Variants in MED13L observed in about 807,000 individuals in gnomAD.
MED13L encodes mediator of RNA polymerase II transcription subunit 13-like.
In MED13L, 7 loss-of-function variants were observed where a neutral mutation model predicts 220.9. The observed-to-expected ratio is 0.03, with a 90% CI of 0.02 to 0.06. The LOEUF is 0.06. Among genes scored for constraint, MED13L ranks in the 10% least tolerant of loss-of-function variants. The probability of loss-of-function intolerance (pLI) is 1.00; values close to 1 mark genes in which losing one functional copy is unlikely to be tolerated. For synonymous variants in MED13L, 1,011 were observed against 1,015.2 expected (o/e 1.00, Z 0.08); for missense variants, 1,965 against 2,760.5 (o/e 0.71, Z 6.46).
chr12:116,102,541 C>T (rs1383873138), intron 3 of MED13L, among the ~76,000 whole-genome samples: 1 of 151,902 alleles, frequency 6.6e-6, no homozygotes, highest in Non-Finnish European at 1.5e-5. Flanking sequence ...AGCCTCAAAG[C>T]CTTTTGCTCA....
chr12:116,016,773 T>C (rs1194892170), intron 7 of MED13L, among the ~76,000 whole-genome samples: 1 of 152,212 alleles, frequency 6.6e-6, no homozygotes, highest in Non-Finnish European at 1.5e-5. Flanking sequence ...TTAAAATGCA[T>C]GTTGAATGTT....
At chr12:116,123,770 T>C (rs1335155465) in intron 2 of MED13L, among the ~76,000 whole-genome samples, 1 of 152,196 alleles carries the variant, frequency 6.6e-6, no homozygotes, top group African/African-American at 2.4e-5. Flanking sequence ...ATTTCTGTTC[T>C]TGCTACAATA....
intron 3 of MED13L, among the ~76,000 whole-genome samples, chr12:116,099,603 T>C (rs971375839): frequency 2.6e-5 from 4 of 152,154 alleles, no homozygotes; most frequent in African/African-American, 9.7e-5. Context: ...GAGTATAATA[T>C]GAAATAAAAG....
chr12:116,090,091 G>A (rs576964943), intron 4 of MED13L, among the ~76,000 whole-genome samples: 2 of 152,254 alleles, frequency 1.3e-5, no homozygotes, highest in African/African-American at 4.8e-5. Flanking sequence ...CCTAAATGAG[G>A]CTGAGATATG....
At chr12:116,066,256 A>C (rs1869920483) in intron 4 of MED13L, among the ~76,000 whole-genome samples, 1 of 152,236 alleles carries the variant, frequency 6.6e-6, no homozygotes, top group Non-Finnish European at 1.5e-5. Flanking sequence ...AGGAACATTA[A>C]TATTTTTCAA....
chr12:116,093,596 C>A (rs558961377), intron 4 of MED13L, among the ~76,000 whole-genome samples: 10 of 151,694 alleles, frequency 6.6e-5, no homozygotes, highest in Non-Finnish European at 1.3e-4. Flanking sequence ...ATTTTTTCAC[C>A]ATGATTAGAA....
chr12:116,241,093 G>C (rs1409278363), intron 1 of MED13L, among the ~76,000 whole-genome samples: 1 of 151,426 alleles, frequency 6.6e-6, no homozygotes, highest in Non-Finnish European at 1.5e-5. Flanking sequence ...CGGATCACAA[G>C]GTCAAAAGAT....
At chr12:116,036,772 T>G (rs978606228) in intron 4 of MED13L, among the ~76,000 whole-genome samples, 3 of 152,196 alleles carry the variant, frequency 2.0e-5, no homozygotes, top group Admixed American at 6.5e-5. Context: ...CTTAAAAATG[T>G]AGTTTACTTT....
At chr12:116,072,383 T>C (rs1870444911) in intron 4 of MED13L, among the ~76,000 whole-genome samples, 1 of 152,262 alleles carries the variant, frequency 6.6e-6, no homozygotes, top group South Asian at 2.1e-4. Flanking sequence ...TGTGTATTAG[T>C]TCACAAACTG....
intron 14 of MED13L, among the ~76,000 whole-genome samples, chr12:115,998,646 A>T (rs1397285246): frequency 6.6e-6 from 1 of 152,228 alleles, no homozygotes; most frequent in Non-Finnish European, 1.5e-5. Flanking sequence ...GGCAGAAGAA[A>T]AGGTGAGAAC....
At chr12:116,165,708 T>C (rs1593120017) in intron 2 of MED13L, among the ~76,000 whole-genome samples, 2 of 152,154 alleles carry the variant, frequency 1.3e-5, no homozygotes, top group African/African-American at 4.8e-5. Context: ...TCCTGTCTCG[T>C]TGCCCAACCA....
chr12:116,017,941 T>C (rs1017620906), intron 7 of MED13L, among the ~76,000 whole-genome samples: 21 of 151,066 alleles, frequency 1.4e-4, no homozygotes, highest in African/African-American at 3.6e-4. Flanking sequence ...TTTTCTTCTT[T>C]TTTTTTTTTT....
rs149442748 is a variant in MED13L, at chr12:116,017,611, C to T, written c.1009+1613G>A. ...ATTCTCTGCTCTACCAAATGAAAGC[C>T]GCAAGTACTTTTTTATTTTTTTGAG... On this transcript the variant is annotated intron_variant, in intron 7 of 30. Transcript: ENST00000281928. Among the ~76,000 whole-genome samples, 83 of 152,102 alleles carry T rather than the reference C, an allele frequency of 5.5e-4. 1 individual carries two copies. In the East Asian group the frequency reaches 0.014, roughly 26 times the overall value.
chr12:116,058,972 A>G (rs1347874160), intron 4 of MED13L, among the ~76,000 whole-genome samples: 1 of 152,256 alleles, frequency 6.6e-6, no homozygotes, highest in Non-Finnish European at 1.5e-5. Context: ...TGTGCTTAAG[A>G]AAAACACATA....
chr12:116,128,924 T>C (rs1407937731), intron 2 of MED13L, among the ~76,000 whole-genome samples: 1 of 152,046 alleles, frequency 6.6e-6, no homozygotes, highest in African/African-American at 2.4e-5. Flanking sequence ...TCTTTTATTT[T>C]CCCTTGAAGA....
At chr12:116,046,700 G>A (rs1881856119) in intron 4 of MED13L, among the ~76,000 whole-genome samples, 2 of 152,208 alleles carry the variant, frequency 1.3e-5, no homozygotes, top group South Asian at 2.1e-4. Flanking sequence ...AAGGCCGGGT[G>A]CGGTGGCTCA....
chr12:116,215,651 C>A (rs1442166961), intron 2 of MED13L, among the ~76,000 whole-genome samples: 1 of 151,422 alleles, frequency 6.6e-6, no homozygotes, highest in Non-Finnish European at 1.5e-5. Context: ...TGAAGCCAAG[C>A]CCCTTTCCCT....
chr12:116,123,190 C>CT (rs897556581), intron 2 of MED13L, among the ~76,000 whole-genome samples: 2 of 152,156 alleles, frequency 1.3e-5, no homozygotes, highest in Non-Finnish European at 2.9e-5. Context: ...TCCTTTACCT[C>CT]TTTGAGTATT....
intron 2 of MED13L, among the ~76,000 whole-genome samples, chr12:116,138,286 AG>A (rs1423462672): frequency 6.6e-6 from 1 of 152,258 alleles, no homozygotes. Flanking sequence ...TAGACTTAGG[AG>A]AAAAAAATTT....
Sources: gnomAD v4.1 joint callset for allele counts (sites outside exome capture counted in the v4.1 genomes callset) on GRCh38, gnomAD v4.1.1 for gene constraint, MANE v1.5 for transcripts, NCBI Gene and HGNC (gene_info 2026-07-23, HGNC 2026-07-21) for gene names.